Variants in RIC1 observed in about 807,000 individuals in gnomAD.
The protein encoded by RIC1 is guanine nucleotide exchange factor subunit RIC1.
Under a neutral mutation model 169.0 loss-of-function variants are expected in RIC1, and 88 were observed. That is an observed-to-expected ratio of 0.52 (90% confidence interval 0.44 to 0.62). The LOEUF is 0.62. Among genes scored for constraint, RIC1 ranks in the 20% least tolerant of loss-of-function variants. RIC1 has a pLI of 0.00. For synonymous variants in RIC1, 790 were observed against 601.5 expected, an observed-to-expected ratio of 1.31 and a Z score of -4.59; for missense variants, 1,877 against 1,725.5, an observed-to-expected ratio of 1.09 and a Z score of -1.56.
chr9:5,742,237 C>T (rs1165791650), intron 8 of RIC1, among the ~76,000 whole-genome samples: 1 of 152,124 alleles, frequency 6.6e-6, no homozygotes, highest in Non-Finnish European at 1.5e-5. Flanking sequence ...CTTGGGCAAG[C>T]TCTGAGCTTT....
intron 2 of RIC1, among the ~76,000 whole-genome samples, chr9:5,676,625 C>T (rs1390259887): frequency 6.6e-6 from 1 of 152,080 alleles, no homozygotes; most frequent in Non-Finnish European, 1.5e-5. Context: ...TAGGCATCTC[C>T]TTATCAATTT....
chr9:5,694,087 T>C (rs1343125212), intron 3 of RIC1, among the ~76,000 whole-genome samples: 4 of 152,138 alleles, frequency 2.6e-5, no homozygotes, highest in African/African-American at 7.2e-5. Flanking sequence ...TCTTACCAGC[T>C]CACTGCTAAT....
chr9:5,697,180 G>A (rs565074500), intron 3 of RIC1, among the ~76,000 whole-genome samples: 58 of 152,178 alleles, frequency 3.8e-4, no homozygotes, highest in Non-Finnish European at 6.8e-4. Flanking sequence ...CTGGTGCTCT[G>A]CTTCACAAAT....
At chr9:5,678,691 G>A (rs1586930194) in intron 2 of RIC1, among the ~76,000 whole-genome samples, 1 of 152,012 alleles carries the variant, frequency 6.6e-6, no homozygotes, top group Non-Finnish European at 1.5e-5. Flanking sequence ...TTTTTGATGG[G>A]GTTGTTTTTT....
At chr9:5,684,220 G>A (rs1444606737) in intron 2 of RIC1, among the ~76,000 whole-genome samples, 1 of 125,548 alleles carries the variant, frequency 8.0e-6, no homozygotes, top group Admixed American at 1.1e-4. Context: ...CTTCTGTGTT[G>A]CTCATGCTGG....
intron 3 of RIC1, among the ~76,000 whole-genome samples, chr9:5,706,701 C>G (rs949759058): frequency 1.3e-5 from 2 of 151,992 alleles, no homozygotes; most frequent in South Asian, 2.1e-4. Context: ...AGGAATTTGT[C>G]CATTTAACAT....
chr9:5,774,480 T>C lies in RIC1; in HGVS notation c.*234T>C. On this transcript the variant is annotated 3_prime_UTR_variant, in exon 26 of 26. Transcript: ENST00000414202. Reference sequence around the variant, plus strand: ...AAGCTGCAGTGAAAAGTAAATATTGTACAGATGTACATGAGAATATTTTGG... The same window carrying C: ...AAGCTGCAGTGAAAAGTAAATATTGCACAGATGTACATGAGAATATTTTGG... The C allele has an allele frequency of 2.6e-6, 1 of 378,272 alleles. No individual in the cohort carries two copies. The highest frequency in any genetic ancestry group is 4.1e-5 in the East Asian group (1 of 24,500). The allele number at this position is 378,272 out of a possible 1,614,324, so 23.4% of individuals were successfully genotyped here.
At chr9:5,758,529 A>C (rs1452483901) in intron 17 of RIC1, among the ~76,000 whole-genome samples, 2 of 152,184 alleles carry the variant, frequency 1.3e-5, no homozygotes, top group Non-Finnish European at 2.9e-5. Flanking sequence ...TATTCTTTGT[A>C]GAAGACATTG....
chr9:5,769,494 A>T (rs1323273), intron 22 of RIC1: 522,819 of 1,393,324 alleles, frequency 0.38, 100,862 homozygotes, highest in East Asian at 0.61. Context: ...ATCTAATCAT[A>T]CTTGGATTAT....
At chr9:5,770,393 TG>T in intron 23 of RIC1, 115 bp downstream of exon 23, 1 of 929,128 alleles carries the variant, frequency 1.1e-6, no homozygotes. Flanking sequence ...ATTAACCATT[TG>T]TATCCACTGG....
downstream of RIC1, among the ~76,000 whole-genome samples, chr9:5,778,398 A>C (rs923300713): frequency 1.3e-5 from 2 of 152,186 alleles, no homozygotes; most frequent in Non-Finnish European, 2.9e-5. Flanking sequence ...TTCTCCTGCC[A>C]AACGGTCCTG....
chr9:5,668,934 G>C (rs144449293), intron 2 of RIC1, among the ~76,000 whole-genome samples: 2 of 151,994 alleles, frequency 1.3e-5, no homozygotes, highest in Admixed American at 1.3e-4. Context: ...CTATGACTGG[G>C]CCATACTTTT....
chr9:5,769,380 C>T (rs773857231), intron 22 of RIC1, 124 bp downstream of exon 22: 5 of 1,600,126 alleles, frequency 3.1e-6, no homozygotes, highest in East Asian at 2.3e-5. Flanking sequence ...TGGATAAAAG[C>T]CAACTTTTTG....
At chr9:5,734,947 A>G (rs147931413) in intron 7 of RIC1, among the ~76,000 whole-genome samples, 174 of 152,346 alleles carry the variant, frequency 1.1e-3, no homozygotes, top group African/African-American at 3.7e-3. Context: ...ATAATTAATG[A>G]TAAATCCCTA....
rs140143932 is a variant in RIC1, at chr9:5,766,194, A to T, written c.3137+396A>T. 1.1e-4 allele frequency among the ~76,000 whole-genome samples: 16 copies of T among 152,260 alleles called. No homozygotes were observed. In the East Asian group the frequency reaches 3.1e-3, roughly 29 times the overall value. ...GTAGCTGGGATTACAGGCATATGCC[A>T]CCACACTCGGCTAATTTTCATATTT... On this transcript the variant is annotated intron_variant, in intron 21 of 25. Coordinates refer to ENST00000414202, the MANE Select transcript of RIC1 (RefSeq NM_020829.4).
At chr9:5,681,294 C>A (rs1385525460) in intron 2 of RIC1, among the ~76,000 whole-genome samples, 1 of 152,044 alleles carries the variant, frequency 6.6e-6, no homozygotes, top group Non-Finnish European at 1.5e-5. Flanking sequence ...CTCTTGTGGG[C>A]ATTTAGTGCT....
intron 2 of RIC1, among the ~76,000 whole-genome samples, chr9:5,689,010 T>C (rs1821427869): frequency 6.6e-6 from 1 of 151,808 alleles, no homozygotes; most frequent in African/African-American, 2.4e-5. Context: ...ATGTATGTCA[T>C]GATCATGTAA....
At chr9:5,670,108 GA>G (rs1205886616) in intron 2 of RIC1, among the ~76,000 whole-genome samples, 1 of 152,188 alleles carries the variant, frequency 6.6e-6, no homozygotes, top group Non-Finnish European at 1.5e-5. Context: ...ACAAATACAG[GA>G]AATTTTACTT....
rs766053830 is a variant in RIC1 at position 5,765,753 on chromosome 9, G to C, written c.3092G>C (p.Ser1031Thr). ...GAAAATGTTCCTGCCAGTAAATTCA[G>C]TTTACAGAAAACACTAAGTATGCCA... is the stretch of plus-strand genomic sequence containing the variant. Reference protein sequence around the residue: ...SAENVPASKFSLQKTLSMPSG... With the variant: ...SAENVPASKFTLQKTLSMPSG... Residue 1031 changes from serine (S) to threonine (T), a missense_variant, in exon 21 of 26, where the codon AGT becomes ACT. Around this residue, in one of 3 missense-constraint regions of RIC1, gnomAD observed 681 missense variants for 582.0 expected, o/e 1.17. Coordinates refer to ENST00000414202, the MANE Select transcript of RIC1 (RefSeq NM_020829.4). 4.3e-6 allele frequency: 7 copies of C among 1,614,126 alleles called. No homozygotes were observed. The highest frequency in any genetic ancestry group is 5.9e-6 in the Non-Finnish European group (7 of 1,179,988).
Sources: allele counts gnomAD v4.1 joint callset (sites outside exome capture counted in the v4.1 genomes callset), GRCh38; gene constraint gnomAD v4.1.1; regional missense constraint gnomAD v4.1.1; transcripts MANE v1.5; gene names NCBI Gene and HGNC (gene_info 2026-07-23, HGNC 2026-07-21).